TECRL: variants seen among roughly 807,000 people sequenced by gnomAD.
The protein encoded by TECRL is trans-2,3-enoyl-CoA reductase like.
In TECRL, 63 loss-of-function variants were observed where a neutral mutation model predicts 52.8. The ratio of observed to expected loss-of-function variants is 1.19; its 90% CI spans 0.97 to 1.47. The LOEUF is 1.47. Among genes scored for constraint, TECRL ranks in the 40% most tolerant of loss-of-function variants. The pLI is 0.00. For synonymous variants in TECRL, 164 were observed against 141.9 expected, an observed-to-expected ratio of 1.16 and a Z score of -1.10; for missense variants, 482 against 429.6, an observed-to-expected ratio of 1.12 and a Z score of -1.08.
chr4:64,390,015 G>A (rs978878839), intron 1 of TECRL, among the ~76,000 whole-genome samples: 2 of 151,804 alleles, frequency 1.3e-5, no homozygotes, highest in African/African-American at 2.4e-5. Context: ...ATATACCTGG[G>A]AGCTACTGAC....
chr4:64,334,003 C>G (rs1029656746), intron 2 of TECRL, among the ~76,000 whole-genome samples: 1 of 89,506 alleles, frequency 1.1e-5, no homozygotes, highest in Non-Finnish European at 2.1e-5. Context: ...CGCAGTCCGG[C>G]CTGGGCGACA....
chr4:64,398,040 C>T (rs201207854), intron 1 of TECRL, among the ~76,000 whole-genome samples: 1 of 122,382 alleles, frequency 8.2e-6, no homozygotes, highest in African/African-American at 2.8e-5. Flanking sequence ...AAGTAATTAT[C>T]TTTAAAAATT....
chr4:64,282,538 G>C (rs1251047669), intron 9 of TECRL, among the ~76,000 whole-genome samples: 1 of 151,838 alleles, frequency 6.6e-6, no homozygotes, highest in Non-Finnish European at 1.5e-5. Context: ...CATTTTTGTA[G>C]ACACCTTTGT....
At chr4:64,363,405 A>G (rs11131530) in intron 2 of TECRL, among the ~76,000 whole-genome samples, 136,611 of 152,000 alleles carry the variant, frequency 0.9, 62,048 homozygotes, top group East Asian at 1. Flanking sequence ...TACTTAGCAT[A>G]AATTTAATTT....
intron 2 of TECRL, among the ~76,000 whole-genome samples, chr4:64,349,076 A>AAC (rs750624894): frequency 6.6e-6 from 1 of 150,930 alleles, no homozygotes; most frequent in Non-Finnish European, 1.5e-5. Flanking sequence ...AAAAAAAAAA[A>AAC]AAACCTAAAA....
At position 64,300,016 on chromosome 4, in the gene TECRL, T is replaced by C; in HGVS notation, c.732A>G (p.Ser244=). 1 of 1,572,348 alleles carries C rather than the reference T, an allele frequency of 6.4e-7. No individual in the cohort carries two copies. The highest frequency in any genetic ancestry group is 8.7e-7 in the Non-Finnish European group (1 of 1,155,936). Residue 244 remains serine (S), a splice_region_variant and synonymous_variant, in exon 8 of 12, where the codon TCA becomes TCG. Transcript: ENST00000381210. ...YINHPLYTPP[S]FGNRQITVSA... is the part of the protein sequence containing the mutation. ...ATACTGTGATTTGCCTGTTTCCAAA[T>C]GCTGGAGAGTAGAAAAAGAATATGT... is the stretch of plus-strand genomic sequence containing the variant.
At chr4:64,321,353 CT>C (rs1717888580) in intron 4 of TECRL, among the ~76,000 whole-genome samples, 1 of 151,860 alleles carries the variant, frequency 6.6e-6, no homozygotes, top group Non-Finnish European at 1.5e-5. Context: ...AAAGAAACAG[CT>C]CAAATCACTA....
Position 64,402,391 on chromosome 4 carries a change from G to A in TECRL, c.234+6727C>T, listed in dbSNP as rs558096910. ...CACTATTTTATGATTAAAATAGTAGGTTGGGCAAGCATAAAATATCTCTTT... is the reference window on the plus strand; with the variant it reads ...CACTATTTTATGATTAAAATAGTAGATTGGGCAAGCATAAAATATCTCTTT... On this transcript the variant is annotated intron_variant, in intron 1 of 11. Coordinates refer to ENST00000381210, the MANE Select transcript of TECRL (RefSeq NM_001010874.5). Among the ~76,000 whole-genome samples the A allele has an allele frequency of 1.1e-4, 16 of 151,988 alleles. No homozygotes were observed. In the South Asian group the frequency reaches 2.9e-3, roughly 28 times the overall value.
chr4:64,388,802 CAAAT>C (rs747899719), intron 1 of TECRL, among the ~76,000 whole-genome samples: 48 of 151,490 alleles, frequency 3.2e-4, no homozygotes, highest in Non-Finnish European at 5.8e-4. Flanking sequence ...TACATAAATA[CAAAT>C]AAATAAATAT....
intron 2 of TECRL, among the ~76,000 whole-genome samples, chr4:64,348,644 C>T (rs773752692): frequency 6.6e-6 from 1 of 152,186 alleles, no homozygotes; most frequent in Non-Finnish European, 1.5e-5. Flanking sequence ...CTGTACCCCA[C>T]TTTAGTCTCC....
At chr4:64,331,125 A>G (rs1039081484) in intron 2 of TECRL, among the ~76,000 whole-genome samples, 2 of 152,122 alleles carry the variant, frequency 1.3e-5, no homozygotes, top group African/African-American at 4.8e-5. Context: ...CTATGCACAG[A>G]TACACATATT....
intron 5 of TECRL, among the ~76,000 whole-genome samples, chr4:64,313,593 T>C (rs1444287147): frequency 6.8e-6 from 1 of 147,032 alleles, no homozygotes; most frequent in Non-Finnish European, 1.5e-5. Context: ...ACCATTCTCC[T>C]GCCTCAGCCT....
At chr4:64,337,920 G>A (rs1427357011) in intron 2 of TECRL, among the ~76,000 whole-genome samples, 2 of 151,990 alleles carry the variant, frequency 1.3e-5, no homozygotes. Flanking sequence ...TCACAGAATT[G>A]GAAAAAACTA....
rs188375109 is a variant in TECRL at position 64,368,275 on chromosome 4, T to C, written c.286+6897A>G. 2.4e-3 allele frequency among the ~76,000 whole-genome samples: 244 copies of C among 103,356 alleles called. 6 individuals are homozygous for C. In the South Asian group the frequency reaches 0.053, roughly 22 times the overall value. 67.8% of individuals were successfully genotyped at this position (103,356 alleles called of 152,430 possible). On this transcript the variant is annotated intron_variant, in intron 2 of 11. Coordinates refer to ENST00000381210, the MANE Select transcript of TECRL (RefSeq NM_001010874.5). ...TTGACAAGGCTCATAACTGTTTGTT[T>C]GTTTGTTTTCTTTTTTTGTTTGTTT...
chr4:64,338,324 A>G (rs542449770), intron 2 of TECRL, among the ~76,000 whole-genome samples: 32 of 152,346 alleles, frequency 2.1e-4, no homozygotes, highest in African/African-American at 7.0e-4. Flanking sequence ...AAAACCATAA[A>G]ATACCTAGAA....
At chr4:64,400,362 G>T (rs1724270225) in intron 1 of TECRL, among the ~76,000 whole-genome samples, 1 of 152,140 alleles carries the variant, frequency 6.6e-6, no homozygotes, top group Admixed American at 6.5e-5. Context: ...AGGCTCATAG[G>T]TGGAAAAGAC....
intron 6 of TECRL, among the ~76,000 whole-genome samples, chr4:64,307,638 G>T (rs1724417289): frequency 6.6e-6 from 1 of 151,996 alleles, no homozygotes; most frequent in East Asian, 1.9e-4. Flanking sequence ...TGGATCACTG[G>T]GACTCCTTTT....
intron 2 of TECRL, among the ~76,000 whole-genome samples, chr4:64,366,413 C>A (rs1721601404): frequency 6.6e-6 from 1 of 152,020 alleles, no homozygotes; most frequent in African/African-American, 2.4e-5. Context: ...ATTAACAAAT[C>A]TGATCTAATT....
chr4:64,398,817 C>G (rs1207608047), intron 1 of TECRL, among the ~76,000 whole-genome samples: 1 of 151,986 alleles, frequency 6.6e-6, no homozygotes, highest in Non-Finnish European at 1.5e-5. Flanking sequence ...AACTTAAAGA[C>G]TGATTAAATG....
Sources: gnomAD v4.1 joint callset for allele counts (sites outside exome capture counted in the v4.1 genomes callset) on GRCh38, gnomAD v4.1.1 for gene constraint, MANE v1.5 for transcripts, NCBI Gene and HGNC (gene_info 2026-07-23, HGNC 2026-07-21) for gene names.